LSP1: variants seen among roughly 807,000 people sequenced by gnomAD.
The protein encoded by LSP1 is lymphocyte-specific protein 1.
LSP1 carries 32 observed loss-of-function variants against 49.3 expected under a neutral mutation model. The ratio of observed to expected loss-of-function variants is 0.65; its 90% CI spans 0.49 to 0.87. The LOEUF is 0.87. LSP1 is among the 40% of genes least tolerant of loss of function. The probability of loss-of-function intolerance (pLI) is 0.00; values close to 1 mark genes in which losing one functional copy is unlikely to be tolerated. For synonymous variants in LSP1, 179 were observed against 178.8 expected (o/e 1.00, Z -0.01); for missense variants, 428 against 442.6 (o/e 0.97, Z 0.30).
intron 1 of LSP1, among the ~76,000 whole-genome samples, chr11:1,878,342 C>G (rs562454739): frequency 6.6e-6 from 1 of 152,336 alleles, no homozygotes; most frequent in South Asian, 2.1e-4. Flanking sequence ...CCCAGCCATG[C>G]GGAGGCCGGC....
intron 10 of LSP1, chr11:1,889,362 A>T (rs887513362): frequency 1.4e-6 from 1 of 712,558 alleles, no homozygotes; most frequent in Non-Finnish European, 2.6e-6. Flanking sequence ...CGCCACTGAC[A>T]TGCGGTACAG....
chr11:1,874,547 G>A, intron 1 of LSP1, among the ~76,000 whole-genome samples: 1 of 152,136 alleles, frequency 6.6e-6, no homozygotes, highest in Non-Finnish European at 1.5e-5. Flanking sequence ...GGCCAGGTGG[G>A]GCGAAGGCCA....
intron 1 of LSP1, among the ~76,000 whole-genome samples, chr11:1,868,363 G>A (rs1283405284): frequency 6.6e-6 from 1 of 152,222 alleles, no homozygotes; most frequent in Non-Finnish European, 1.5e-5. Flanking sequence ...GGCGGTGTGA[G>A]CCCCTCCATT....
In LSP1 at chr11:1,878,257, G is replaced by T. The variant is rs1171391762; in HGVS notation, c.54-1830G>T. Among the ~76,000 whole-genome samples, 3 of 152,078 alleles carry T rather than the reference G, an allele frequency of 2.0e-5. No individual in the cohort carries two copies. The East Asian group carries it at 5.8e-4, about 29-fold the overall frequency. On this transcript the variant is annotated intron_variant, in intron 1 of 10. Coordinates refer to ENST00000311604, the MANE Select transcript of LSP1 (RefSeq NM_002339.3). Reference sequence around the variant, plus strand: ...CCTGCGCCGCCCTCTGTGTGGAGGGGCTGGGGCGTGAGTGAGCACGAGGGC... The same window carrying T: ...CCTGCGCCGCCCTCTGTGTGGAGGGTCTGGGGCGTGAGTGAGCACGAGGGC...
At chr11:1,857,131 G>A (rs369082941) in intron 1 of LSP1, among the ~76,000 whole-genome samples, 3 of 152,202 alleles carry the variant, frequency 2.0e-5, no homozygotes, top group Admixed American at 6.5e-5. Flanking sequence ...CTTCCTCGTG[G>A]GCTGGCAGGC....
chr11:1,873,657 G>A (rs1848140767), intron 1 of LSP1, among the ~76,000 whole-genome samples: 1 of 151,932 alleles, frequency 6.6e-6, no homozygotes, highest in South Asian at 2.1e-4. Flanking sequence ...GAGGGAGGAG[G>A]GAGGAACTGG....
chr11:1,878,806 T>C (rs1848418195), intron 1 of LSP1, among the ~76,000 whole-genome samples: 1 of 152,000 alleles, frequency 6.6e-6, no homozygotes, highest in African/African-American at 2.4e-5. Flanking sequence ...TGTAGGAGTG[T>C]AGAGACCCTG....
chr11:1,876,329 G>T, intron 1 of LSP1: 1 of 368,040 alleles, frequency 2.7e-6, no homozygotes, highest in Non-Finnish European at 3.8e-6. Context: ...GCTGTGCAGG[G>T]AGCCCCGAAC....
At chr11:1,876,605 C>G (rs924924397) in intron 1 of LSP1, 2 of 985,526 alleles carry the variant, frequency 2.0e-6, no homozygotes, top group Non-Finnish European at 2.4e-6. Flanking sequence ...GGGACCGAGC[C>G]GGACACCCAT....
At chr11:1,866,839 G>A (rs1194094051) in intron 1 of LSP1, 4 of 1,548,484 alleles carry the variant, frequency 2.6e-6, no homozygotes, top group Middle Eastern at 1.7e-4. Context: ...CTGTGCGGTG[G>A]CTCACCCCCT....
rs1447470081 is a variant in LSP1, at chr11:1,872,649, T to G, written c.54-7438T>G. On this transcript the variant is annotated intron_variant, in intron 1 of 10. Transcript: ENST00000311604. ...TGCACGCTGGTAGAGTTGGGGTCTG[T>G]CTGGCTGGCGTGGGCACCTTTGGGA... Among the ~76,000 whole-genome samples the G allele has an allele frequency of 3.6e-5, 5 of 139,568 alleles. No individual in the cohort carries two copies. In the South Asian group the frequency reaches 1.2e-3, roughly 33 times the overall value. 91.6% of individuals were successfully genotyped at this position (139,568 alleles called of 152,430 possible).
At chr11:1,866,799 C>A (rs189506078) in intron 1 of LSP1, 1 of 1,550,408 alleles carries the variant, frequency 6.4e-7, no homozygotes, top group East Asian at 2.4e-5. Flanking sequence ...GAAGTGCAGC[C>A]CCCGGAGGAG....
chr11:1,872,580 A>C (rs1229410502), intron 1 of LSP1, among the ~76,000 whole-genome samples: 1 of 133,392 alleles, frequency 7.5e-6, no homozygotes, highest in Non-Finnish European at 1.6e-5. Context: ...CACTTTTGGG[A>C]GGGGGTGTGT....
At position 1,869,091 on chromosome 11, in the gene LSP1, C is replaced by T. The variant is rs61868776; in HGVS notation, c.54-10996C>T. 0.28 allele frequency: 233,450 copies of T among 837,056 alleles called. 33,912 individuals are homozygous for T. Among genetic ancestry groups the T allele is most frequent in the South Asian group, 0.42 (8,133 of 19,236 alleles). The allele number at this position is 837,056 out of a possible 1,614,324, so 51.9% of individuals were successfully genotyped here. A position where few individuals can be genotyped will look rare whatever the true frequency, so the allele number is the denominator to read the frequency against. ...GCCCTTGGGTGACCCCTGGATGGGG[C>T]GGGGACCATTAGGGAGAAGGGTGAG... On this transcript the variant is annotated intron_variant, in intron 1 of 10. Coordinates refer to ENST00000311604, the MANE Select transcript of LSP1 (RefSeq NM_002339.3).
rs1848687626 is a variant in LSP1, at chr11:1,884,742, TG to T, written c.717+162del. 6.6e-6 allele frequency among the ~76,000 whole-genome samples: 1 copy of T among 151,738 alleles called. No individual in the cohort carries two copies. The highest frequency in any genetic ancestry group is 2.4e-5 in the African/African-American group (1 of 41,242). On this transcript the variant is annotated intron_variant, in intron 7 of 10. Transcript: ENST00000311604. The surrounding 1 kb of genome is among the most constrained non-coding windows in gnomAD (Gnocchi z 4.1). ...AGTCAGTGCCCCTCTACCCAATCAA[TG>T]CCCCTCCATCTAATCAATGTCACTC...
At chr11:1,875,082 G>A (rs920936248) in intron 1 of LSP1, among the ~76,000 whole-genome samples, 2 of 152,168 alleles carry the variant, frequency 1.3e-5, no homozygotes, top group Non-Finnish European at 2.9e-5. Flanking sequence ...CTCGGCCATG[G>A]GGGCTTCGGC....
intron 1 of LSP1, among the ~76,000 whole-genome samples, chr11:1,857,616 T>C (rs531691354): frequency 6.6e-6 from 1 of 152,310 alleles, no homozygotes; most frequent in Non-Finnish European, 1.5e-5. Flanking sequence ...AGGGCTGGCC[T>C]TGCTTCGGCT....
In LSP1 at chr11:1,884,495, T is replaced by C; in HGVS notation, c.636-5T>C. 2 of 1,612,962 alleles carry C rather than the reference T, an allele frequency of 1.2e-6. No individual in the cohort carries two copies. Among genetic ancestry groups the C allele is most frequent in the Middle Eastern group, 3.3e-4 (2 of 6,056 alleles). The stretch of plus-strand genomic sequence containing the variant: ...ATGGGGCCTGACACATCTTCTACCC[T>C]CCAGTAACAGTGTGAAGAAATCCCA... On this transcript the variant is annotated splice_polypyrimidine_tract_variant and splice_region_variant and intron_variant, in intron 6 of 10. Coordinates refer to ENST00000311604, the MANE Select transcript of LSP1 (RefSeq NM_002339.3). The surrounding 1 kb of genome is among the most constrained non-coding windows in gnomAD (Gnocchi z 4.1).
At chr11:1,890,314 C>T (rs796839221) in intron 10 of LSP1, 34 of 710,784 alleles carry the variant, frequency 4.8e-5, no homozygotes, top group African/African-American at 1.6e-4. Flanking sequence ...CGTGGGGCTT[C>T]GGCGGGGTGC....
Sources: allele counts gnomAD v4.1 joint callset (sites outside exome capture counted in the v4.1 genomes callset), GRCh38; gene constraint gnomAD v4.1.1; non-coding constraint Gnocchi (gnomAD v3.1); transcripts MANE v1.5; gene names NCBI Gene and HGNC (gene_info 2026-07-23, HGNC 2026-07-21).